Variants in WDR49 observed in about 807,000 individuals in gnomAD.
The protein encoded by WDR49 is cilia- and flagella-associated protein 337.
Under a neutral mutation model 119.5 loss-of-function variants are expected in WDR49, and 107 were observed. The observed-to-expected ratio is 0.90, with a 90% CI of 0.77 to 1.05. WDR49 has a LOEUF of 1.05. WDR49 is among the 50% of genes least tolerant of loss of function. WDR49 has a pLI of 0.00. For synonymous variants in WDR49, 425 were observed against 418.8 expected (o/e 1.01, Z -0.18); for missense variants, 1,240 against 1,220.5 (o/e 1.02, Z -0.24).
At chr3:167,648,008 T>C (rs1422564605) in intron 2 of WDR49, among the ~76,000 whole-genome samples, 6 of 152,186 alleles carry the variant, frequency 3.9e-5, no homozygotes, top group African/African-American at 1.2e-4. Context: ...GTTGGATTCA[T>C]GTTCCTTAGA....
intron 17 of WDR49, among the ~76,000 whole-genome samples, chr3:167,503,386 C>A (rs1751649286): frequency 6.6e-6 from 1 of 152,194 alleles, no homozygotes; most frequent in South Asian, 2.1e-4. Flanking sequence ...CGGGCTGCTT[C>A]CAAAATGGCG....
chr3:167,507,125 T>C (rs1157515429), intron 16 of WDR49, among the ~76,000 whole-genome samples: 3 of 152,284 alleles, frequency 2.0e-5, no homozygotes, highest in East Asian at 3.9e-4. Context: ...TGTTACTCTT[T>C]GGAAGCAAGT....
chr3:167,616,756 TAC>T (rs1716614445), intron 5 of WDR49, among the ~76,000 whole-genome samples: 1 of 152,066 alleles, frequency 6.6e-6, no homozygotes, highest in Non-Finnish European at 1.5e-5. Context: ...TATAAAGACA[TAC>T]ACACATATAC....
In WDR49 at chr3:167,576,141, A is replaced by T; in HGVS notation, c.1286T>A (p.Leu429His). ...FSFSKDKVLRLWDIQHQLSIQ... is the reference protein window; with the variant it reads ...FSFSKDKVLRHWDIQHQLSIQ... ...GGACAGCTGGTGTTGAATATCCCAG[A>T]GTCTCAAAACCTGGATGAAAAGTGA... Residue 429 changes from leucine (L) to histidine (H), a missense_variant, in exon 8 of 19, where the codon CTC becomes CAC. By Grantham distance (99) the Leu-to-His change is moderately conservative (BLOSUM62 -3). Transcript: ENST00000682715. 6.2e-7 allele frequency: 1 copy of T among 1,613,686 alleles called. No individual in the cohort carries two copies. The highest frequency in any genetic ancestry group is 8.5e-7 in the Non-Finnish European group (1 of 1,179,800).
chr3:167,587,581 G>T (rs532236150), intron 7 of WDR49, among the ~76,000 whole-genome samples: 1 of 152,112 alleles, frequency 6.6e-6, no homozygotes, highest in Non-Finnish European at 1.5e-5. Context: ...AGCCTACCAG[G>T]CTTAGATGAT....
rs138815835 is a variant in WDR49 at position 167,554,769 on chromosome 3, A to T, written c.1704T>A (p.His568Gln). The T allele has an allele frequency of 2.0e-3, 3,151 of 1,611,606 alleles. 12 individuals carry two copies. Among genetic ancestry groups the T allele is most frequent in the South Asian group, 8.7e-3 (783 of 90,186 alleles). ...KIWDFNGYCH[H>Q]TLNVGQDGAV... is the part of the protein sequence containing the mutation. ...CTCCATCTTGCCCAACATTTAGTGT[A>T]TGGTGACAATATCCATTGAAGTCCC... Residue 568 changes from histidine (H) to glutamine (Q), a missense_variant, in exon 10 of 19, where the codon CAT becomes CAA. Coordinates refer to ENST00000682715, the MANE Select transcript of WDR49 (RefSeq NM_001366157.1).
intron 16 of WDR49, among the ~76,000 whole-genome samples, chr3:167,511,290 T>C (rs1751961307): frequency 6.6e-6 from 1 of 152,238 alleles, no homozygotes; most frequent in Non-Finnish European, 1.5e-5. Flanking sequence ...ATCAATCCAG[T>C]CTCATCTGAA....
intron 16 of WDR49, among the ~76,000 whole-genome samples, chr3:167,508,169 G>A (rs1345713496): frequency 6.6e-6 from 1 of 152,240 alleles, no homozygotes. Flanking sequence ...GCATCAAAAA[G>A]GAAGTGAAAA....
intron 18 of WDR49, among the ~76,000 whole-genome samples, chr3:167,499,211 C>T (rs1277688807): frequency 6.6e-6 from 1 of 152,188 alleles, no homozygotes; most frequent in African/African-American, 2.4e-5. Flanking sequence ...TGTTGACCAG[C>T]TGTTCTCCCT....
intron 7 of WDR49, among the ~76,000 whole-genome samples, chr3:167,587,572 G>A (rs1451754352): frequency 6.6e-6 from 1 of 152,078 alleles, no homozygotes; most frequent in African/African-American, 2.4e-5. Flanking sequence ...TGCAGCCTCA[G>A]CCTACCAGGC....
intron 18 of WDR49, among the ~76,000 whole-genome samples, chr3:167,480,443 C>T (rs950555069): frequency 3.3e-5 from 5 of 151,992 alleles, no homozygotes; most frequent in Admixed American, 3.3e-4. Context: ...AATGACTTTA[C>T]AGTATAGTGG....
chr3:167,483,774 C>T (rs1750815014), intron 18 of WDR49, among the ~76,000 whole-genome samples: 1 of 152,132 alleles, frequency 6.6e-6, no homozygotes, highest in Non-Finnish European at 1.5e-5. Context: ...TGCTTCTGCT[C>T]TTCACCTAGA....
At chr3:167,531,419 T>C (rs1405525478) in intron 12 of WDR49, 140 bp from the exon 13 acceptor site, 1 of 956,330 alleles carries the variant, frequency 1.0e-6, no homozygotes, top group Non-Finnish European at 1.5e-6. Context: ...TCAACATCTA[T>C]CAAGCCTTCT....
chr3:167,603,076 CA>C (rs1384394368), intron 6 of WDR49, among the ~76,000 whole-genome samples: 1 of 151,942 alleles, frequency 6.6e-6, no homozygotes, highest in East Asian at 1.9e-4. Flanking sequence ...TATGTGCAAG[CA>C]AAAAAGCAGC....
At chr3:167,502,336 G>T (rs567383668) in intron 17 of WDR49, among the ~76,000 whole-genome samples, 1 of 152,178 alleles carries the variant, frequency 6.6e-6, no homozygotes, top group South Asian at 2.1e-4. Flanking sequence ...ATTTCTTTAC[G>T]GCAATGCAAA....
chr3:167,612,765 A>G (rs1005183953), intron 5 of WDR49, among the ~76,000 whole-genome samples: 9 of 151,676 alleles, frequency 5.9e-5, no homozygotes, highest in Non-Finnish European at 1.2e-4. Context: ...CTGAATTGGG[A>G]AGAAATCTTG....
rs367949302 is a variant in WDR49, at chr3:167,532,941, C to T, written c.1991G>A (p.Ser664Asn). 7 of 1,608,882 alleles carry T rather than the reference C, an allele frequency of 4.4e-6. No homozygotes were observed. In the African/African-American group the frequency reaches 6.7e-5, roughly 15 times the overall value. The change falls in exon 12 of 19, where the codon AGC becomes AAC. Residue 664 changes from serine to asparagine, a missense_variant. Ser to Asn is a conservative substitution (Grantham distance 46). Transcript: ENST00000682715. ...AAGAACATGGTGAGCATTCTCTGTG[C>T]TATTGTTCCATAGAACAATTTCTCC... ...YDGEIVLWNN[S>N]TENAHHVLHP... is the part of the protein sequence containing the mutation.
At chr3:167,536,421 G>A (rs552228490) in intron 11 of WDR49, among the ~76,000 whole-genome samples, 6 of 152,054 alleles carry the variant, frequency 3.9e-5, no homozygotes, top group African/African-American at 1.4e-4. Context: ...GCTCACGCCT[G>A]TAATCCCAGC....
chr3:167,651,301 T>A (rs1355599531), intron 2 of WDR49, among the ~76,000 whole-genome samples: 1 of 152,166 alleles, frequency 6.6e-6, no homozygotes, highest in Non-Finnish European at 1.5e-5. Context: ...TAAGAGCATG[T>A]CCTTAGTAAC....
Sources: gnomAD v4.1 joint callset for allele counts (sites outside exome capture counted in the v4.1 genomes callset) on GRCh38, gnomAD v4.1.1 for gene constraint, MANE v1.5 for transcripts, NCBI Gene and HGNC (gene_info 2026-07-23, HGNC 2026-07-21) for gene names.